CNTN5: variants seen among roughly 807,000 people sequenced by gnomAD.
CNTN5 encodes the protein contactin-5.
CNTN5 carries 77 observed loss-of-function variants against 129.1 expected under a neutral mutation model. The observed-to-expected ratio is 0.60, with a 90% CI of 0.50 to 0.72. The LOEUF (loss-of-function observed/expected upper bound fraction) is 0.72. CNTN5 is among the 30% of genes least tolerant of loss of function. The pLI is 0.00. For synonymous variants in CNTN5, 509 were observed against 465.6 expected (o/e 1.09, Z -1.20); for missense variants, 1,478 against 1,328.8 (o/e 1.11, Z -1.75).
chr11:99,542,969 G>A (rs1041088780), intron 2 of CNTN5, among the ~76,000 whole-genome samples: 1 of 152,224 alleles, frequency 6.6e-6, no homozygotes, highest in African/African-American at 2.4e-5. Flanking sequence ...GCCTCATAAA[G>A]GCCATAGGTC....
chr11:100,140,685 G>T (rs1486097061), intron 13 of CNTN5, among the ~76,000 whole-genome samples: 2 of 152,158 alleles, frequency 1.3e-5, no homozygotes, highest in Admixed American at 1.3e-4. Flanking sequence ...AGAAGCCAGA[G>T]AAGTAGAATA....
intron 2 of CNTN5, among the ~76,000 whole-genome samples, chr11:99,403,297 G>T (rs11522688): frequency 0.75 from 113,342 of 152,040 alleles, 43,091 homozygotes; most frequent in African/African-American, 0.9. Flanking sequence ...ACCACGCCTG[G>T]CTTGTTTAAC....
chr11:99,243,339 T>G (rs1452260003), intron 1 of CNTN5, among the ~76,000 whole-genome samples: 1 of 152,130 alleles, frequency 6.6e-6, no homozygotes, highest in Non-Finnish European at 1.5e-5. Flanking sequence ...ATTATGTTAC[T>G]TATAGGTTCT....
At chr11:99,885,253 G>A (rs1045471478) in intron 6 of CNTN5, among the ~76,000 whole-genome samples, 2 of 151,948 alleles carry the variant, frequency 1.3e-5, no homozygotes, top group Non-Finnish European at 1.5e-5. Context: ...CTGCACTCCA[G>A]CCTGGGCAAG....
chr11:99,088,733 A>G (rs1291823696), intron 1 of CNTN5, among the ~76,000 whole-genome samples: 2 of 152,176 alleles, frequency 1.3e-5, no homozygotes, highest in Non-Finnish European at 2.9e-5. Flanking sequence ...ACTAGTGGGA[A>G]AAAAGAAATC....
intron 3 of CNTN5, among the ~76,000 whole-genome samples, chr11:99,691,866 T>C (rs1240944220): frequency 6.6e-6 from 1 of 152,136 alleles, no homozygotes; most frequent in Non-Finnish European, 1.5e-5. Flanking sequence ...CCACTATTAT[T>C]GTGTGGGAGT....
intron 2 of CNTN5, among the ~76,000 whole-genome samples, chr11:99,541,625 G>C (rs1441451048): frequency 6.6e-6 from 1 of 152,102 alleles, no homozygotes; most frequent in Non-Finnish European, 1.5e-5. Flanking sequence ...TGAATTCTGG[G>C]TCAAGGTTTC....
chr11:99,798,017 T>A (rs1182279404), intron 3 of CNTN5, among the ~76,000 whole-genome samples: 2 of 152,138 alleles, frequency 1.3e-5, no homozygotes, highest in African/African-American at 4.8e-5. Flanking sequence ...TAGGAAAACT[T>A]GTGTCATGGA....
chr11:99,742,326 T>A (rs1424392084), intron 3 of CNTN5, among the ~76,000 whole-genome samples: 1 of 151,308 alleles, frequency 6.6e-6, no homozygotes, highest in East Asian at 2.0e-4. Context: ...GTTTTGTAAA[T>A]TCTAGAGTAT....
intron 3 of CNTN5, among the ~76,000 whole-genome samples, chr11:99,704,613 A>C (rs1170186032): frequency 6.6e-6 from 1 of 151,174 alleles, no homozygotes; most frequent in Non-Finnish European, 1.5e-5. Context: ...TTTTATCTCA[A>C]ATACATATTA....
At chr11:99,365,134 G>T (rs1053638380) in intron 2 of CNTN5, among the ~76,000 whole-genome samples, 11 of 152,250 alleles carry the variant, frequency 7.2e-5, no homozygotes, top group African/African-American at 2.6e-4. Flanking sequence ...GCTTCACTTT[G>T]CTCCCTAGCT....
chr11:100,210,377 T>G (rs2138584413), intron 15 of CNTN5, among the ~76,000 whole-genome samples: 1 of 151,314 alleles, frequency 6.6e-6, no homozygotes, highest in African/African-American at 2.4e-5. Context: ...AGTCCAGATT[T>G]ATATTGTTTT....
intron 3 of CNTN5, among the ~76,000 whole-genome samples, chr11:99,615,646 T>C (rs1218633389): frequency 6.6e-6 from 1 of 152,212 alleles, no homozygotes; most frequent in African/African-American, 2.4e-5. Context: ...ACCTTTCAAC[T>C]AGTTACCCCT....
chr11:99,483,327 G>A (rs767794787), intron 2 of CNTN5, among the ~76,000 whole-genome samples: 2 of 152,090 alleles, frequency 1.3e-5, no homozygotes, highest in Non-Finnish European at 2.9e-5. Context: ...TTCTTCGTGC[G>A]CAGTGGCCTG....
At position 100,357,607 on chromosome 11, in the gene CNTN5, G is replaced by C. The variant is rs895934948; in HGVS notation, c.*1387G>C. The C allele has an allele frequency of 9.9e-5, 15 of 151,754 alleles. No homozygotes were observed. The highest frequency in any genetic ancestry group is 1.2e-4 in the Non-Finnish European group (8 of 67,798). 9.4% of individuals were successfully genotyped at this position (151,754 alleles called of 1,614,324 possible). A position where few individuals can be genotyped will look rare whatever the true frequency, so the allele number is the denominator to read the frequency against. On this transcript the variant is annotated 3_prime_UTR_variant, in exon 25 of 25. Coordinates refer to ENST00000524871, the MANE Select transcript of CNTN5 (RefSeq NM_014361.4). Reference sequence around the variant, plus strand: ...TATTGCAAAGTCATATGCCAGAGAAGAGCCTGGAGAAACTATGGTTTTATA... The same window carrying C: ...TATTGCAAAGTCATATGCCAGAGAACAGCCTGGAGAAACTATGGTTTTATA...
At chr11:99,377,621 C>T (rs527522580) in intron 2 of CNTN5, among the ~76,000 whole-genome samples, 65 of 152,144 alleles carry the variant, frequency 4.3e-4, no homozygotes, top group African/African-American at 1.5e-3. Flanking sequence ...ATTGACATAT[C>T]GTAACTTCAT....
chr11:99,708,707 T>C (rs1174446459), intron 3 of CNTN5, among the ~76,000 whole-genome samples: 2 of 151,712 alleles, frequency 1.3e-5, no homozygotes, highest in African/African-American at 4.8e-5. Flanking sequence ...ATCTACTACT[T>C]GCAGCTAAAG....
In CNTN5 at chr11:99,746,443, AC is replaced by A. The variant is rs1275723433; in HGVS notation, c.56-73096del. 4.6e-5 allele frequency among the ~76,000 whole-genome samples: 7 copies of A among 152,146 alleles called. No homozygotes were observed. In the East Asian group the frequency reaches 1.4e-3, roughly 29 times the overall value. ...CACTAGTCTACATGAAGGGTCCTCCACCCCCAGTCACAGACCACTACTGGTC... is the reference window on the plus strand; with the variant it reads ...CACTAGTCTACATGAAGGGTCCTCCACCCCAGTCACAGACCACTACTGGTC... On this transcript the variant is annotated intron_variant, in intron 3 of 24. Coordinates refer to ENST00000524871, the MANE Select transcript of CNTN5 (RefSeq NM_014361.4).
At chr11:99,397,355 C>G (rs948601047) in intron 2 of CNTN5, among the ~76,000 whole-genome samples, 1 of 151,714 alleles carries the variant, frequency 6.6e-6, no homozygotes, top group African/African-American at 2.4e-5. Flanking sequence ...TTCTATGTAA[C>G]TACTCTTTTA....
Sources: allele counts gnomAD v4.1 joint callset (sites outside exome capture counted in the v4.1 genomes callset), GRCh38; gene constraint gnomAD v4.1.1; transcripts MANE v1.5; gene names NCBI Gene and HGNC (gene_info 2026-07-23, HGNC 2026-07-21).